The following ZNF827 variants were observed in gnomAD, a reference collection of about 807,000 sequenced individuals.
ZNF827 encodes zinc finger protein 827.
Under a neutral mutation model 102.4 loss-of-function variants are expected in ZNF827, and 13 were observed. The observed-to-expected ratio is 0.13, with a 90% confidence interval of 0.08 to 0.20. ZNF827 has a LOEUF of 0.20. Ranked by LOEUF, ZNF827 falls within the 10% of genes least tolerant of loss-of-function variation. The probability of loss-of-function intolerance (pLI) is 1.00; values close to 1 mark genes in which losing one functional copy is unlikely to be tolerated. For synonymous variants in ZNF827, 523 were observed against 536.2 expected, an observed-to-expected ratio of 0.98 and a Z score of 0.34; for missense variants, 1,103 against 1,344.4, an observed-to-expected ratio of 0.82 and a Z score of 2.81.
At chr4:145,861,756 A>C (rs1747755938) in intron 5 of ZNF827, among the ~76,000 whole-genome samples, 1 of 152,116 alleles carries the variant, frequency 6.6e-6, no homozygotes, top group Non-Finnish European at 1.5e-5. Flanking sequence ...TCCCTGCCCT[A>C]GTCCTGAAGC....
At chr4:145,856,339 C>T (rs1747105056) in intron 5 of ZNF827, among the ~76,000 whole-genome samples, 1 of 152,164 alleles carries the variant, frequency 6.6e-6, no homozygotes, top group South Asian at 2.1e-4. Context: ...TTATTATATG[C>T]TTCTTCTCCA....
intron 7 of ZNF827, among the ~76,000 whole-genome samples, chr4:145,825,030 A>G (rs2126503870): frequency 6.6e-6 from 1 of 152,358 alleles, no homozygotes; most frequent in South Asian, 2.1e-4. Flanking sequence ...CACTGGCTAT[A>G]GGCTAGTAGG....
intron 8 of ZNF827, among the ~76,000 whole-genome samples, chr4:145,812,497 A>ATATTTATTTATTTATT (rs71592421): frequency 4.2e-5 from 6 of 143,822 alleles, no homozygotes; most frequent in African/African-American, 1.5e-4. Flanking sequence ...AAACCATTTT[A>ATATTTATTTATTTATT]TATTTATTTA....
intron 4 of ZNF827, among the ~76,000 whole-genome samples, chr4:145,878,602 C>CAGGACAGGACAGGAAAGGAAAGGAA (rs1749371294): frequency 4.7e-5 from 3 of 63,484 alleles, no homozygotes; most frequent in African/African-American, 6.3e-5. Context: ...CAGGACAGGA[C>CAGGACAGGACAGGAAAGGAAAGGAA]AGGAAAGGAA....
At chr4:145,847,943 G>GTA in intron 6 of ZNF827, among the ~76,000 whole-genome samples, 1 of 152,292 alleles carries the variant, frequency 6.6e-6, no homozygotes, top group South Asian at 2.1e-4. Context: ...TTCACAGCCA[G>GTA]TACTCTTTCA....
chr4:145,805,147 G>GTC (rs1318384568), intron 8 of ZNF827, among the ~76,000 whole-genome samples: 3 of 151,952 alleles, frequency 2.0e-5, no homozygotes, highest in Non-Finnish European at 4.4e-5. Context: ...GTGTGTGTGT[G>GTC]TGTGTGTGTG....
At chr4:145,877,423 A>C (rs186889594) in intron 4 of ZNF827, among the ~76,000 whole-genome samples, 327 of 152,354 alleles carry the variant, frequency 2.1e-3, no homozygotes, top group African/African-American at 7.4e-3. Context: ...TAACAGTTAA[A>C]TATGACTTTT....
chr4:145,844,739 C>T (rs1315888549), intron 7 of ZNF827, among the ~76,000 whole-genome samples: 1 of 150,556 alleles, frequency 6.6e-6, no homozygotes, highest in Non-Finnish European at 1.5e-5. Flanking sequence ...TAAAATAAAC[C>T]CAGTGTGAGG....
chr4:145,904,296 C>G (rs1481756929), intron 1 of ZNF827, among the ~76,000 whole-genome samples: 1 of 152,224 alleles, frequency 6.6e-6, no homozygotes, highest in Non-Finnish European at 1.5e-5. Context: ...AACTAAGATC[C>G]TGCCTTCTTG....
At chr4:145,870,523 C>A in intron 4 of ZNF827, 45 bp from the exon 5 acceptor site, 1 of 1,544,816 alleles carries the variant, frequency 6.5e-7, no homozygotes, top group Non-Finnish European at 8.9e-7. Context: ...AAAGGCCACT[C>A]CCCTCCTTAG....
chr4:145,804,768 C>T (rs1328791245), intron 8 of ZNF827, among the ~76,000 whole-genome samples: 1 of 152,146 alleles, frequency 6.6e-6, no homozygotes, highest in African/African-American at 2.4e-5. Flanking sequence ...GGTACTATTT[C>T]CATGAGTGGG....
intron 1 of ZNF827, among the ~76,000 whole-genome samples, chr4:145,923,141 T>C (rs978835335): frequency 6.6e-6 from 1 of 152,206 alleles, no homozygotes; most frequent in Non-Finnish European, 1.5e-5. Context: ...CTTCAAAATA[T>C]GAAAAGTTTA....
chr4:145,804,813 T>C (rs1013694452), intron 8 of ZNF827, among the ~76,000 whole-genome samples: 1 of 152,222 alleles, frequency 6.6e-6, no homozygotes, highest in Admixed American at 6.5e-5. Flanking sequence ...AAGATGCCTA[T>C]TATGTATTAG....
intron 5 of ZNF827, among the ~76,000 whole-genome samples, chr4:145,857,722 T>G (rs988588478): frequency 3.9e-5 from 6 of 152,206 alleles, no homozygotes; most frequent in Admixed American, 1.3e-4. Context: ...TGATGTCGGG[T>G]GGCTCAGTCA....
chr4:145,778,373 A>G (rs767801685), intron 9 of ZNF827, among the ~76,000 whole-genome samples: 32 of 152,210 alleles, frequency 2.1e-4, no homozygotes, highest in Admixed American at 5.9e-4. Flanking sequence ...ACCTCAGGTG[A>G]TCCACCTGCC....
At chr4:145,818,197 T>A (rs1742783683) in intron 8 of ZNF827, among the ~76,000 whole-genome samples, 1 of 152,210 alleles carries the variant, frequency 6.6e-6, no homozygotes, top group African/African-American at 2.4e-5. Context: ...GGGAGGTGTG[T>A]TCCTTTTGGT....
At chr4:145,918,753 T>C (rs1752865390) in intron 1 of ZNF827, among the ~76,000 whole-genome samples, 1 of 152,170 alleles carries the variant, frequency 6.6e-6, no homozygotes. Flanking sequence ...TGCACAGCCC[T>C]GCTTTGTCTT....
intron 1 of ZNF827, among the ~76,000 whole-genome samples, chr4:145,911,983 A>G (rs1042618454): frequency 2.0e-5 from 3 of 152,210 alleles, no homozygotes; most frequent in Non-Finnish European, 4.4e-5. Flanking sequence ...TACAGACCAA[A>G]AAACCCAAGT....
chr4:145,791,292 C>T (rs1052381747), intron 8 of ZNF827, among the ~76,000 whole-genome samples: 1 of 152,144 alleles, frequency 6.6e-6, no homozygotes, highest in Non-Finnish European at 1.5e-5. Flanking sequence ...TTTATAAGGG[C>T]CTCTTTTATA....
Sources: gnomAD v4.1 joint callset for allele counts (sites outside exome capture counted in the v4.1 genomes callset) on GRCh38, gnomAD v4.1.1 for gene constraint, MANE v1.5 for transcripts, NCBI Gene and HGNC (gene_info 2026-07-23, HGNC 2026-07-21) for gene names.